The following DNAH8 variants were observed in gnomAD, a reference collection of about 807,000 sequenced individuals.
DNAH8 encodes axonemal beta dynein heavy chain 8.
A neutral mutation model predicts 562.1 loss-of-function variants in DNAH8; 382 were observed. That is an observed-to-expected ratio of 0.68 (90% confidence interval 0.63 to 0.74). DNAH8 has a LOEUF of 0.74. Among genes scored for constraint, DNAH8 ranks in the 30% least tolerant of loss-of-function variants. DNAH8 has a pLI of 0.00. For synonymous variants in DNAH8, 1,881 were observed against 1,919.4 expected, an observed-to-expected ratio of 0.98 and a Z score of 0.52; for missense variants, 5,203 against 5,620.4, an observed-to-expected ratio of 0.93 and a Z score of 2.37.
chr6:38,950,673 T>A (rs755725540), intron 81 of DNAH8, among the ~76,000 whole-genome samples: 14 of 152,096 alleles, frequency 9.2e-5, no homozygotes, highest in Non-Finnish European at 1.3e-4. Context: ...TCTCCTAACC[T>A]CGTGATCTGC....
chr6:38,860,491 A>T lies in DNAH8; in HGVS notation c.5993A>T (p.Glu1998Val). ...KMHIKSPTDF[E>V]WLKQSRFYFK... ...CATATCAAATCACCTACTGACTTTG[A>T]ATGGCTAAAACAGAGTAGATTTTAT... The change falls in exon 43 of 93, where the codon GAA (glutamate) becomes GTA (valine). Residue 1998 changes from glutamate (E) to valine (V), a missense_variant. Glu to Val is a moderately radical substitution (Grantham distance 121). This residue lies in a region of DNAH8 where 2,176 missense variants were observed against 2,365.1 expected (regional missense o/e 0.92). Transcript: ENST00000327475. 1 of 1,466,730 alleles carries T rather than the reference A, an allele frequency of 6.8e-7. No homozygotes were observed. The highest frequency in any genetic ancestry group is 9.0e-7 in the Non-Finnish European group (1 of 1,108,032). 90.9% of individuals were successfully genotyped at this position (1,466,730 alleles called of 1,614,324 possible).
chr6:38,719,053 C>T (rs898362011), intron 1 of DNAH8, among the ~76,000 whole-genome samples: 6 of 152,164 alleles, frequency 3.9e-5, no homozygotes, highest in Non-Finnish European at 7.3e-5. Context: ...TCTTTAAATT[C>T]CTTTTTCAGC....
In DNAH8 at chr6:39,026,550, C is replaced by A. The variant is rs763392096; in HGVS notation, c.13719C>A (p.Phe4573Leu). ...TCTCTTCTTTTTTTCTTTAAGGCTTCCTCACAGCAATGAGGCAAGAAGTGA... is the reference window on the plus strand; with the variant it reads ...TCTCTTCTTTTTTTCTTTAAGGCTTACTCACAGCAATGAGGCAAGAAGTGA... ...WMTGFFNPQGFLTAMRQEVTR... is the reference protein window; with the variant it reads ...WMTGFFNPQGLLTAMRQEVTR... The change falls in exon 92 of 93, where the codon TTC (phenylalanine) becomes TTA (leucine). Residue 4573 changes from phenylalanine (F) to leucine (L), a missense_variant. By Grantham distance (22) the Phe-to-Leu change is conservative. Transcript: ENST00000327475. 6.2e-7 allele frequency: 1 copy of A among 1,607,150 alleles called. No homozygotes were observed. Among genetic ancestry groups the A allele is most frequent in the East Asian group, 2.2e-5 (1 of 44,800 alleles).
At position 38,741,867 on chromosome 6, in the gene DNAH8, G is replaced by A. The variant is rs1176934751; in HGVS notation, c.1273G>A (p.Ala425Thr). The A allele has an allele frequency of 6.2e-7, 1 of 1,612,980 alleles. No homozygotes were observed. The highest frequency in any genetic ancestry group is 1.7e-5 in the Admixed American group (1 of 59,836). Residue 425 changes from alanine to threonine, a missense_variant, in exon 8 of 93, where the codon GCA (alanine) becomes ACA (threonine). Ala to Thr is a moderately conservative substitution (Grantham distance 58). This residue lies in a region of DNAH8 where 2,176 missense variants were observed against 2,365.1 expected (regional missense o/e 0.92). Transcript: ENST00000327475. ...GGCTGTCATAAATGTGCTAAATGTT[G>A]CACACTCCAAACTGCTAAAGGTAAA... ...CKAVINVLNV[A>T]HSKLLKNWRD...
At chr6:38,753,363 A>G (rs145966496) in intron 9 of DNAH8, among the ~76,000 whole-genome samples, 15 of 152,218 alleles carry the variant, frequency 9.9e-5, no homozygotes, top group African/African-American at 3.6e-4. Context: ...TCTGTCCAAG[A>G]AAAATTAAAA....
intron 82 of DNAH8, among the ~76,000 whole-genome samples, chr6:38,957,073 T>C (rs961247332): frequency 6.6e-6 from 1 of 152,020 alleles, no homozygotes; most frequent in Non-Finnish European, 1.5e-5. Context: ...ACACACAGAC[T>C]GAAAATGAAG....
In DNAH8 at chr6:38,973,718, C is replaced by T. The variant is rs200315521; in HGVS notation, c.12583C>T (p.Leu4195=). Residue 4195 remains leucine, a synonymous_variant, in exon 84 of 93, where the codon CTA becomes TTA. Coordinates refer to ENST00000327475, the MANE Select transcript of DNAH8 (RefSeq NM_001206927.2). ...TGGCCTGGAATTCATGGAAGAATTACTAGAGACGCTAATTACCACTGAAGC... is the reference window on the plus strand; with the variant it reads ...TGGCCTGGAATTCATGGAAGAATTATTAGAGACGCTAATTACCACTGAAGC... ...HLGLEFMEEL[L]ETLITTEASD... 9.0e-5 allele frequency: 145 copies of T among 1,609,528 alleles called. 1 individual carries two copies. The African/African-American group carries it at 1.4e-3, about 16-fold the overall frequency.
At chr6:38,863,133 C>T (rs1003127039) in intron 44 of DNAH8, among the ~76,000 whole-genome samples, 9 of 152,106 alleles carry the variant, frequency 5.9e-5, no homozygotes, top group African/African-American at 2.2e-4. Context: ...TGCAGATTCA[C>T]TATGTTTAAA....
intron 11 of DNAH8, among the ~76,000 whole-genome samples, chr6:38,762,232 A>C (rs77930845): frequency 0.026 from 3,886 of 152,260 alleles, 155 homozygotes; most frequent in African/African-American, 0.086. Context: ...TAAGATTTAA[A>C]TATATCTTTG....
intron 82 of DNAH8, among the ~76,000 whole-genome samples, chr6:38,971,291 T>C (rs1247429755): frequency 6.6e-6 from 1 of 152,172 alleles, no homozygotes; most frequent in Non-Finnish European, 1.5e-5. Context: ...TCTCCCACCA[T>C]TGATCTTGTT....
chr6:38,781,429 TATATC>T, intron 16 of DNAH8, 56 bp downstream of exon 16: 2 of 1,167,724 alleles, frequency 1.7e-6, no homozygotes, highest in South Asian at 1.3e-5. Context: ...ATATAACAAA[TATATC>T]ATATCCTATA....
chr6:39,010,815 ACACACGTATGTATGTATG>A (rs1561973005), intron 89 of DNAH8, among the ~76,000 whole-genome samples: 5 of 130,340 alleles, frequency 3.8e-5, no homozygotes, highest in African/African-American at 1.4e-4. Context: ...ACACACACAC[ACACACGTATGTATGTATG>A]TATGTATGTA....
At chr6:38,940,549 A>G (rs1783360723) in intron 79 of DNAH8, among the ~76,000 whole-genome samples, 1 of 152,218 alleles carries the variant, frequency 6.6e-6, no homozygotes, top group South Asian at 2.1e-4. Flanking sequence ...ACGTGCTGTT[A>G]TAGTCACTCA....
At chr6:39,026,223 G>C (rs939235260) in intron 91 of DNAH8, among the ~76,000 whole-genome samples, 2 of 152,178 alleles carry the variant, frequency 1.3e-5, no homozygotes, top group Admixed American at 1.3e-4. Context: ...TTTTCAAATA[G>C]AGACTGTGAG....
At chr6:38,971,912 C>T (rs2150690514) in intron 83 of DNAH8, 1 of 329,158 alleles carries the variant, frequency 3.0e-6, no homozygotes, top group South Asian at 1.1e-4. Flanking sequence ...TTGGGAGACA[C>T]ACCTTCTGAT....
intron 34 of DNAH8, 52 bp downstream of exon 34, chr6:38,842,557 G>T: frequency 1.9e-6 from 3 of 1,587,806 alleles, no homozygotes; most frequent in Non-Finnish European, 2.6e-6. Context: ...GATCCTATAG[G>T]TATTTCAGAA....
intron 65 of DNAH8, among the ~76,000 whole-genome samples, chr6:38,910,361 G>A (rs371860128): frequency 6.6e-6 from 1 of 152,204 alleles, no homozygotes; most frequent in African/African-American, 2.4e-5. Context: ...ATGGGCCAAC[G>A]TGGATCCCCA....
intron 57 of DNAH8, 84 bp from the exon 58 acceptor site, chr6:38,890,568 C>T: frequency 3.0e-6 from 3 of 995,962 alleles, no homozygotes; most frequent in Non-Finnish European, 3.2e-6. Context: ...CTTAGTCAGC[C>T]TTGTAATGAT....
Position 38,737,839 on chromosome 6 carries a change from A to T in DNAH8, c.983A>T (p.Lys328Met). The change falls in exon 7 of 93, where the codon AAG becomes ATG. Residue 328 changes from lysine (K) to methionine (M), a missense_variant. This residue lies in a region of DNAH8 where 556 missense variants were observed against 496.9 expected (regional missense o/e 1.12). Transcript: ENST00000327475. Reference protein sequence around the residue: ...GARISIEGTVKLKTIDNVNFS... With the variant: ...GARISIEGTVMLKTIDNVNFS... The stretch of plus-strand genomic sequence containing the variant: ...AGAATAAGTATTGAGGGAACAGTGA[A>T]GTTAAAGACAATAGACAATGTTAAT... The T allele has an allele frequency of 1.3e-6, 2 of 1,561,248 alleles. No homozygotes were observed. Among genetic ancestry groups the T allele is most frequent in the Non-Finnish European group, 1.7e-6 (2 of 1,157,574 alleles).
Sources: allele counts gnomAD v4.1 joint callset (sites outside exome capture counted in the v4.1 genomes callset), GRCh38; gene constraint gnomAD v4.1.1; regional missense constraint gnomAD v4.1.1; transcripts MANE v1.5; gene names NCBI Gene and HGNC (gene_info 2026-07-23, HGNC 2026-07-21).